The following TMEM178B variants were observed in gnomAD, a reference collection of about 807,000 sequenced individuals.
TMEM178B encodes transmembrane protein 178B.
TMEM178B carries 5 observed loss-of-function variants against 31.0 expected under a neutral mutation model. The ratio of observed to expected loss-of-function variants is 0.16; its 90% CI spans 0.08 to 0.34. TMEM178B has a LOEUF of 0.34. TMEM178B is among the 10% of genes least tolerant of loss of function. TMEM178B has a pLI of 1.00. For missense variants in TMEM178B, 275 were observed against 400.3 expected, an observed-to-expected ratio of 0.69 and a Z score of 2.67; for synonymous variants, 164 against 164.0, an observed-to-expected ratio of 1.00 and a Z score of 0.00.
chr7:141,367,449 AT>A (rs1313649528), intron 2 of TMEM178B, among the ~76,000 whole-genome samples: 30 of 151,890 alleles, frequency 2.0e-4, no homozygotes, highest in African/African-American at 7.0e-4. Context: ...TAATTTTTGT[AT>A]TTTTAGTAGA....
At position 141,074,210 on chromosome 7, in the gene TMEM178B, C is replaced by G; in HGVS notation, c.-101C>G. The G allele has an allele frequency of 1.4e-6, 2 of 1,425,792 alleles. No individual in the cohort carries two copies. The highest frequency in any genetic ancestry group is 3.0e-5 in the South Asian group (2 of 66,934). 88.3% of individuals were successfully genotyped at this position (1,425,792 alleles called of 1,614,324 possible). ...GCCGCGGCGCGAGTCCCTCTCCTGCCCCCTCCCCCAGCTCGGCCGCCCGCC... is the reference window on the plus strand; with the variant it reads ...GCCGCGGCGCGAGTCCCTCTCCTGCGCCCTCCCCCAGCTCGGCCGCCCGCC... On this transcript the variant is annotated 5_prime_UTR_variant, in exon 1 of 4. Coordinates refer to ENST00000565468, the MANE Select transcript of TMEM178B (RefSeq NM_001195278.2). This position sits in a 1 kb window ranked among gnomAD's most constrained non-coding sequence, Gnocchi z 5.1.
chr7:141,131,785 ACAGATTT>A (rs1180709457), intron 1 of TMEM178B, among the ~76,000 whole-genome samples: 15 of 152,210 alleles, frequency 9.9e-5, no homozygotes, highest in Non-Finnish European at 1.9e-4. Context: ...CTTTTTGTGG[ACAGATTT>A]TCATTTCTCT....
At chr7:141,206,750 T>C (rs895773284) in intron 1 of TMEM178B, among the ~76,000 whole-genome samples, 8 of 152,316 alleles carry the variant, frequency 5.3e-5, no homozygotes, top group African/African-American at 1.7e-4. Context: ...ATACTCTGTG[T>C]TTAGCTTTGT....
At chr7:141,350,779 T>C (rs1799706500) in intron 2 of TMEM178B, among the ~76,000 whole-genome samples, 1 of 152,208 alleles carries the variant, frequency 6.6e-6, no homozygotes, top group South Asian at 2.1e-4. Flanking sequence ...TTCTTTTTCT[T>C]ACATACACAC....
chr7:141,420,192 G>GCC (rs35162161), intron 2 of TMEM178B, among the ~76,000 whole-genome samples: 353 of 150,238 alleles, frequency 2.3e-3, no homozygotes, highest in African/African-American at 7.2e-3. Flanking sequence ...ATTTATCACT[G>GCC]CCCCCCCCCA....
the TMEM178B span, among the ~76,000 whole-genome samples, chr7:141,487,666 G>A: frequency 6.7e-6 from 1 of 149,448 alleles, no homozygotes; most frequent in East Asian, 2.0e-4. Context: ...ACTTGAACCC[G>A]GGAGGCAGAG....
At chr7:141,163,139 A>T (rs539977815) in intron 1 of TMEM178B, among the ~76,000 whole-genome samples, 1 of 152,206 alleles carries the variant, frequency 6.6e-6, no homozygotes, top group African/African-American at 2.4e-5. Flanking sequence ...GGACTCATTC[A>T]TGCATCTCTA....
At chr7:141,371,861 C>G (rs373143827) in intron 2 of TMEM178B, among the ~76,000 whole-genome samples, 23 of 152,190 alleles carry the variant, frequency 1.5e-4, no homozygotes, top group African/African-American at 5.5e-4. Flanking sequence ...TAGATCCCAT[C>G]TCTTCTTAAC....
intron 2 of TMEM178B, among the ~76,000 whole-genome samples, chr7:141,306,186 G>C (rs756877500): frequency 1.7e-4 from 26 of 152,194 alleles, no homozygotes; most frequent in Non-Finnish European, 3.4e-4. Context: ...GCAGCTAAAA[G>C]GCTAGATAAA....
At chr7:141,451,560 C>T (rs1481569532) in intron 3 of TMEM178B, among the ~76,000 whole-genome samples, 16 of 152,176 alleles carry the variant, frequency 1.1e-4, no homozygotes, top group Admixed American at 1.0e-3. Context: ...CTTACTGACA[C>T]GGCTGTGATC....
At chr7:141,394,783 T>C (rs1213045005) in intron 2 of TMEM178B, among the ~76,000 whole-genome samples, 2 of 152,238 alleles carry the variant, frequency 1.3e-5, no homozygotes, top group Non-Finnish European at 2.9e-5. Context: ...TCTACTAAGA[T>C]ACAGAATAGA....
At chr7:141,193,964 C>A (rs1331649977) in intron 1 of TMEM178B, among the ~76,000 whole-genome samples, 2 of 152,144 alleles carry the variant, frequency 1.3e-5, no homozygotes, top group African/African-American at 4.8e-5. Context: ...GAGGGAGAAG[C>A]AAAAGCAGAA....
intron 1 of TMEM178B, among the ~76,000 whole-genome samples, chr7:141,200,251 T>C (rs1034177285): frequency 7.9e-5 from 12 of 152,104 alleles, no homozygotes; most frequent in African/African-American, 2.9e-4. Context: ...GGCTTTCTAG[T>C]GGGCCTGTCC....
chr7:141,503,100 C>A, the TMEM178B span, among the ~76,000 whole-genome samples: 2 of 152,152 alleles, frequency 1.3e-5, no homozygotes, highest in Non-Finnish European at 2.9e-5. Context: ...AGCAGAACCA[C>A]AAAATGGAAG....
chr7:141,435,784 G>A (rs1801525053), intron 2 of TMEM178B, among the ~76,000 whole-genome samples: 1 of 152,202 alleles, frequency 6.6e-6, no homozygotes, highest in African/African-American at 2.4e-5. Flanking sequence ...GGCACCCTGG[G>A]CAGTTCCCAT....
chr7:141,383,770 C>T (rs1475560275), intron 2 of TMEM178B, among the ~76,000 whole-genome samples: 1 of 152,136 alleles, frequency 6.6e-6, no homozygotes, highest in Non-Finnish European at 1.5e-5. Context: ...ATTTCTAGTT[C>T]TAGATCCTTG....
intron 2 of TMEM178B, among the ~76,000 whole-genome samples, chr7:141,413,598 A>G (rs969130737): frequency 6.6e-6 from 1 of 152,186 alleles, no homozygotes; most frequent in Admixed American, 6.5e-5. Context: ...CAGAGTATTT[A>G]GCAGGCAGCT....
chr7:141,259,394 T>G (rs186678637), intron 2 of TMEM178B, among the ~76,000 whole-genome samples: 6 of 152,356 alleles, frequency 3.9e-5, no homozygotes, highest in Admixed American at 2.6e-4. Context: ...ATATTTATAA[T>G]AGTTACTTTG....
chr7:141,224,332 G>T (rs1375299598), intron 2 of TMEM178B, among the ~76,000 whole-genome samples: 1 of 152,206 alleles, frequency 6.6e-6, no homozygotes, highest in African/African-American at 2.4e-5. Context: ...TACCATATCA[G>T]ACAGAGCAGT....
Sources: gnomAD v4.1 joint callset for allele counts (sites outside exome capture counted in the v4.1 genomes callset) on GRCh38, gnomAD v4.1.1 for gene constraint, Gnocchi (gnomAD v3.1) non-coding constraint, MANE v1.5 for transcripts, NCBI Gene and HGNC (gene_info 2026-07-23, HGNC 2026-07-21) for gene names.